Variants in SRBD1 observed in about 807,000 individuals in gnomAD.
The protein encoded by SRBD1 is S1 RNA binding domain 1.
Under a neutral mutation model 115.3 loss-of-function variants are expected in SRBD1, and 88 were observed. The ratio of observed to expected loss-of-function variants is 0.76; its 90% CI spans 0.64 to 0.91. The LOEUF is 0.91. SRBD1 is among the 40% of genes least tolerant of loss of function. SRBD1 has a pLI of 0.00. For missense variants in SRBD1, 1,385 were observed against 1,177.4 expected, an observed-to-expected ratio of 1.18 and a Z score of -2.58; for synonymous variants, 509 against 407.7, an observed-to-expected ratio of 1.25 and a Z score of -2.99.
At chr2:45,452,836 T>G (rs1261570085) in intron 16 of SRBD1, among the ~76,000 whole-genome samples, 1 of 151,884 alleles carries the variant, frequency 6.6e-6, no homozygotes, top group African/African-American at 2.4e-5. Context: ...AAAATAACAG[T>G]TTCTTTTATT....
At chr2:45,557,092 T>C (rs1392575424) in intron 10 of SRBD1, among the ~76,000 whole-genome samples, 1 of 152,054 alleles carries the variant, frequency 6.6e-6, no homozygotes, top group African/African-American at 2.4e-5. Flanking sequence ...CTTAGAGGCA[T>C]GAAAAAGCAC....
chr2:45,452,046 T>C (rs1473811426), intron 16 of SRBD1, among the ~76,000 whole-genome samples: 1 of 151,948 alleles, frequency 6.6e-6, no homozygotes. Flanking sequence ...GTATTGTTAC[T>C]TAAATATAAA....
intron 16 of SRBD1, among the ~76,000 whole-genome samples, chr2:45,434,282 C>A (rs1668423463): frequency 6.6e-6 from 1 of 152,180 alleles, no homozygotes; most frequent in Non-Finnish European, 1.5e-5. Flanking sequence ...AGTCATGGAC[C>A]TTCTCGGGTA....
At chr2:45,576,596 C>G (rs780172276) in intron 7 of SRBD1, among the ~76,000 whole-genome samples, 1 of 152,188 alleles carries the variant, frequency 6.6e-6, no homozygotes, top group Non-Finnish European at 1.5e-5. Context: ...ATTACCTTTA[C>G]AAGATGGGAG....
At chr2:45,444,630 G>A (rs796329336) in intron 16 of SRBD1, among the ~76,000 whole-genome samples, 7 of 152,282 alleles carry the variant, frequency 4.6e-5, no homozygotes, top group African/African-American at 1.7e-4. Flanking sequence ...CTGGTTCAAA[G>A]TTCTTTATCC....
chr2:45,560,945 T>C (rs941336288), intron 10 of SRBD1, among the ~76,000 whole-genome samples: 1 of 118,964 alleles, frequency 8.4e-6, no homozygotes. Context: ...ATCTCTTAAA[T>C]AAAAAAAAAA....
chr2:45,423,973 C>T (rs1021492531), intron 16 of SRBD1, among the ~76,000 whole-genome samples: 8 of 152,062 alleles, frequency 5.3e-5, no homozygotes, highest in Admixed American at 4.6e-4. Context: ...TTAGAGAAGG[C>T]ATGCAAGAAT....
chr2:45,555,219 C>T (rs1475067919), intron 10 of SRBD1, among the ~76,000 whole-genome samples: 3 of 152,146 alleles, frequency 2.0e-5, no homozygotes, highest in African/African-American at 7.2e-5. Context: ...GACCTTGTCT[C>T]TACAAAAAAT....
chr2:45,583,865 C>T (rs926051201), intron 5 of SRBD1, among the ~76,000 whole-genome samples: 9 of 152,160 alleles, frequency 5.9e-5, no homozygotes, highest in Non-Finnish European at 1.0e-4. Flanking sequence ...ATGTATTCCC[C>T]TATTCATAGA....
intron 16 of SRBD1, among the ~76,000 whole-genome samples, chr2:45,464,513 G>A (rs1441043894): frequency 6.6e-6 from 1 of 152,158 alleles, no homozygotes; most frequent in Non-Finnish European, 1.5e-5. Context: ...TTAATAAAGA[G>A]CTGTAAGTGT....
At chr2:45,550,742 CAG>C (rs1213484455) in intron 12 of SRBD1, among the ~76,000 whole-genome samples, 2 of 151,762 alleles carry the variant, frequency 1.3e-5, no homozygotes, top group South Asian at 2.1e-4. Context: ...TGTAAGTAAA[CAG>C]GAAAAAAAAT....
At chr2:45,477,154 T>C (rs1669828260) in intron 15 of SRBD1, 79 bp from the exon 16 acceptor site, 2 of 1,146,552 alleles carry the variant, frequency 1.7e-6, no homozygotes, top group East Asian at 4.9e-5. Flanking sequence ...TAGTTTCTCA[T>C]AATGTAAGTA....
chr2:45,579,071 AG>A (rs1374975394), intron 7 of SRBD1, among the ~76,000 whole-genome samples: 1 of 152,206 alleles, frequency 6.6e-6, no homozygotes, highest in African/African-American at 2.4e-5. Context: ...CAATCCTAAC[AG>A]CGAATTCCTG....
At chr2:45,532,726 G>T (rs1185285552) in intron 14 of SRBD1, among the ~76,000 whole-genome samples, 2 of 151,582 alleles carry the variant, frequency 1.3e-5, no homozygotes, top group Non-Finnish European at 2.9e-5. Flanking sequence ...CTTAAAAGAG[G>T]TATTTCATTA....
intron 19 of SRBD1, among the ~76,000 whole-genome samples, chr2:45,408,034 A>G (rs1667487280): frequency 6.6e-6 from 1 of 152,166 alleles, no homozygotes. Context: ...TTACATTTTG[A>G]TGTATTTATG....
chr2:45,563,557 G>A (rs562903976), intron 9 of SRBD1, among the ~76,000 whole-genome samples: 31 of 151,802 alleles, frequency 2.0e-4, no homozygotes, highest in Non-Finnish European at 4.0e-4. Context: ...CAGACCTTTC[G>A]CTAGACTAAT....
At chr2:45,456,116 A>T (rs1669144857) in intron 16 of SRBD1, among the ~76,000 whole-genome samples, 1 of 151,916 alleles carries the variant, frequency 6.6e-6, no homozygotes, top group African/African-American at 2.4e-5. Context: ...GAGTCCCCAG[A>T]ATATAAAAAG....
chr2:45,533,643 A>T (rs1023841538), intron 14 of SRBD1, among the ~76,000 whole-genome samples: 23 of 152,136 alleles, frequency 1.5e-4, no homozygotes, highest in African/African-American at 5.5e-4. Context: ...TAGGAGTGTA[A>T]AACTGTACAT....
chr2:45,506,660 C>T (rs996705238), intron 14 of SRBD1, among the ~76,000 whole-genome samples: 16 of 152,146 alleles, frequency 1.1e-4, no homozygotes, highest in Non-Finnish European at 1.9e-4. Context: ...AATTTCTCAT[C>T]TTTGTATTTT....
Sources: gnomAD v4.1 joint callset for allele counts (sites outside exome capture counted in the v4.1 genomes callset) on GRCh38, gnomAD v4.1.1 for gene constraint, MANE v1.5 for transcripts, NCBI Gene and HGNC (gene_info 2026-07-23, HGNC 2026-07-21) for gene names.